STARD13: variants seen among roughly 807,000 people sequenced by gnomAD.
The protein encoded by STARD13 is StAR related lipid transfer domain containing 13.
In STARD13, 62 loss-of-function variants were observed where a neutral mutation model predicts 106.4. The ratio of observed to expected loss-of-function variants is 0.58; its 90% CI spans 0.48 to 0.72. The LOEUF (loss-of-function observed/expected upper bound fraction) is 0.72, where lower values mean the gene tolerates loss of function less well. Ranked by LOEUF, STARD13 falls within the 30% of genes least tolerant of loss-of-function variation. The probability of loss-of-function intolerance (pLI) is 0.00; values close to 1 mark genes in which losing one functional copy is unlikely to be tolerated. For synonymous variants in STARD13, 565 were observed against 553.0 expected, an observed-to-expected ratio of 1.02 and a Z score of -0.31; for missense variants, 1,387 against 1,424.0, an observed-to-expected ratio of 0.97 and a Z score of 0.42.
At chr13:33,255,134 C>A (rs1304984505) in intron 1 of STARD13, among the ~76,000 whole-genome samples, 2 of 151,598 alleles carry the variant, frequency 1.3e-5, no homozygotes, top group South Asian at 4.2e-4. Context: ...GGTTCAGAGA[C>A]CGAGCAGGTG....
At chr13:33,499,626 TTC>T in the STARD13 span, among the ~76,000 whole-genome samples, 62 of 114,156 alleles carry the variant, frequency 5.4e-4, no homozygotes, top group East Asian at 1.1e-3. Context: ...CTTCTTCTTC[TTC>T]TTCTTCTTCT....
chr13:33,417,742 C>T, the STARD13 span, among the ~76,000 whole-genome samples: 1 of 152,044 alleles, frequency 6.6e-6, no homozygotes, highest in Non-Finnish European at 1.5e-5. Flanking sequence ...AAAGTAGACT[C>T]ATGGTTTTCA....
the STARD13 span, among the ~76,000 whole-genome samples, chr13:33,382,097 C>T: frequency 2.0e-5 from 3 of 152,192 alleles, no homozygotes; most frequent in African/African-American, 4.8e-5. Flanking sequence ...CCATCATAAA[C>T]GAAGCATGGC....
At chr13:33,321,585 A>G (rs780652710) in intron 1 of STARD13, among the ~76,000 whole-genome samples, 1 of 152,072 alleles carries the variant, frequency 6.6e-6, no homozygotes, top group Non-Finnish European at 1.5e-5. Flanking sequence ...TCTCTTACAT[A>G]TATTATCTTA....
At chr13:33,354,103 G>A (rs572252622), upstream of STARD13, among the ~76,000 whole-genome samples, 1 of 152,288 alleles carries the variant, frequency 6.6e-6, no homozygotes, top group Admixed American at 6.5e-5. Flanking sequence ...GTGACTGAGA[G>A]AGAAATCTAG....
At chr13:33,340,782 A>G (rs2077951216) in intron 1 of STARD13, among the ~76,000 whole-genome samples, 1 of 152,258 alleles carries the variant, frequency 6.6e-6, no homozygotes, top group Non-Finnish European at 1.5e-5. Context: ...AATATTGTGT[A>G]GTCATGCTAC....
chr13:33,256,762 T>A (rs997155253), intron 1 of STARD13, among the ~76,000 whole-genome samples: 1 of 152,222 alleles, frequency 6.6e-6, no homozygotes, highest in Non-Finnish European at 1.5e-5. Context: ...TGTTGACTCA[T>A]TGCTGCTAAC....
intron 1 of STARD13, among the ~76,000 whole-genome samples, chr13:33,262,042 T>G (rs1400561329): frequency 6.6e-6 from 1 of 152,138 alleles, no homozygotes; most frequent in African/African-American, 2.4e-5. Flanking sequence ...TCCTCCCTCT[T>G]AGAAGTGAAG....
the STARD13 span, among the ~76,000 whole-genome samples, chr13:33,359,287 G>A: frequency 6.6e-6 from 1 of 152,088 alleles, no homozygotes; most frequent in East Asian, 1.9e-4. Context: ...CCCACCGGGA[G>A]AAACGAACAA....
the STARD13 span, among the ~76,000 whole-genome samples, chr13:33,622,429 G>A: frequency 6.6e-6 from 1 of 151,924 alleles, no homozygotes; most frequent in Non-Finnish European, 1.5e-5. Flanking sequence ...TTTGAGGTCA[G>A]GAGCTCGAGA....
the STARD13 span, among the ~76,000 whole-genome samples, chr13:33,608,751 G>T: frequency 6.6e-6 from 1 of 152,162 alleles, no homozygotes; most frequent in South Asian, 2.1e-4. Context: ...AAGTCTTAGA[G>T]TGAAGCATGG....
chr13:33,458,309 G>A, the STARD13 span, among the ~76,000 whole-genome samples: 4 of 146,370 alleles, frequency 2.7e-5, no homozygotes, highest in Non-Finnish European at 4.5e-5. Flanking sequence ...GTCTTGTTCT[G>A]TCGCCCAGGC....
intron 1 of STARD13, among the ~76,000 whole-genome samples, chr13:33,305,790 G>T (rs539741547): frequency 6.6e-6 from 1 of 152,290 alleles, no homozygotes; most frequent in East Asian, 1.9e-4. Context: ...TAAGATCATA[G>T]ATTTTATATT....
intron 1 of STARD13, among the ~76,000 whole-genome samples, chr13:33,200,802 A>T (rs1033660887): frequency 4.0e-5 from 6 of 151,714 alleles, no homozygotes; most frequent in Non-Finnish European, 5.9e-5. Context: ...TGGGCAGATC[A>T]CGAGGTCAGG....
At chr13:33,620,938 A>C in the STARD13 span, among the ~76,000 whole-genome samples, 1 of 151,856 alleles carries the variant, frequency 6.6e-6, no homozygotes, top group Non-Finnish European at 1.5e-5. Context: ...ATTTTGAATT[A>C]AGTAATAATG....
At chr13:33,206,366 A>AATACACACACACACAC (rs1887417966) in intron 1 of STARD13, among the ~76,000 whole-genome samples, 1 of 149,472 alleles carries the variant, frequency 6.7e-6, no homozygotes, top group Non-Finnish European at 1.5e-5. Context: ...CCATGACTGA[A>AATACACACACACACAC]ACACACACAC....
At chr13:33,121,256 C>A (rs1876248211) in intron 7 of STARD13, among the ~76,000 whole-genome samples, 1 of 151,892 alleles carries the variant, frequency 6.6e-6, no homozygotes, top group Admixed American at 6.6e-5. Context: ...GAGTGGTTTC[C>A]AATAATCATT....
At position 33,294,147 on chromosome 13, in the gene STARD13, G is replaced by A. The variant is rs917797758; in HGVS notation, c.124+56143C>T. ...GGATAAAGGGCATAAGAAAATTTTA[G>A]TAATATCTACCTTATCTTTGTATCA... On this transcript the variant is annotated intron_variant, in intron 1 of 5. Transcript: ENST00000567873. Among the ~76,000 whole-genome samples, 16 of 152,180 alleles carry A rather than the reference G, an allele frequency of 1.1e-4. 1 individual carries two copies. Among genetic ancestry groups the A allele is most frequent in the African/African-American group, 3.9e-4 (16 of 41,452 alleles).
At chr13:33,162,713 A>G (rs190609223) in intron 3 of STARD13, among the ~76,000 whole-genome samples, 1 of 152,202 alleles carries the variant, frequency 6.6e-6, no homozygotes, top group African/African-American at 2.4e-5. Context: ...TGTCCATCTG[A>G]GACAACCTCA....
Sources: gnomAD v4.1 joint callset for allele counts (sites outside exome capture counted in the v4.1 genomes callset) on GRCh38, gnomAD v4.1.1 for gene constraint, MANE v1.5 for transcripts, NCBI Gene and HGNC (gene_info 2026-07-23, HGNC 2026-07-21) for gene names.